ANKRD44: variants seen among roughly 807,000 people sequenced by gnomAD.
The protein encoded by ANKRD44 is serine/threonine-protein phosphatase 6 regulatory ankyrin repeat subunit B.
Under a neutral mutation model 116.0 loss-of-function variants are expected in ANKRD44, and 35 were observed. The observed-to-expected ratio is 0.30, with a 90% CI of 0.23 to 0.40. The LOEUF is 0.40. ANKRD44 is among the 10% of genes least tolerant of loss of function. The pLI, the probability that ANKRD44 is intolerant of heterozygous loss-of-function variation, is 1.00. For missense variants in ANKRD44, 1,014 were observed against 1,242.6 expected, an observed-to-expected ratio of 0.82 and a Z score of 2.77; for synonymous variants, 435 against 461.8, an observed-to-expected ratio of 0.94 and a Z score of 0.74.
At chr2:197,066,242 C>T (rs768093877) in intron 16 of ANKRD44, among the ~76,000 whole-genome samples, 2 of 152,138 alleles carry the variant, frequency 1.3e-5, no homozygotes, top group South Asian at 2.1e-4. Context: ...TTCAACAGAC[C>T]TTCATGCTAA....
rs572130045 is a variant in ANKRD44, at chr2:197,197,045, G to A, written c.28-9939C>T. Among the ~76,000 whole-genome samples, 16 of 152,244 alleles carry A rather than the reference G, an allele frequency of 1.1e-4. No individual in the cohort carries two copies. The East Asian group carries it at 2.7e-3, about 26-fold the overall frequency. On this transcript the variant is annotated intron_variant, in intron 1 of 27. Transcript: ENST00000282272. ...ACCATTCTAAAATTTAAGGCAGTGG[G>A]TTGATCAGGACCTGAATTAGTTTCT...
At chr2:197,112,718 A>AG (rs1481545331) in intron 8 of ANKRD44, among the ~76,000 whole-genome samples, 11 of 149,016 alleles carry the variant, frequency 7.4e-5, no homozygotes, top group African/African-American at 1.8e-4. Context: ...AAAAAAAAAA[A>AG]AAAAGAAAAA....
intron 3 of ANKRD44, among the ~76,000 whole-genome samples, chr2:197,139,064 C>T (rs2079291864): frequency 6.6e-6 from 1 of 152,084 alleles, no homozygotes. Flanking sequence ...AACAGGAAAA[C>T]TTAACATACA....
rs554008400 is a variant in ANKRD44, at chr2:197,283,821, T to C, written c.27+26757A>G. On this transcript the variant is annotated intron_variant, in intron 1 of 27. Coordinates refer to ENST00000282272, the MANE Select transcript of ANKRD44 (RefSeq NM_001195144.2). ...GCAGGGAGTAAAGCTTGGGAACTAT[T>C]CTATGTTAGGCTTGAGTAGTCTAGC... 2.6e-5 allele frequency among the ~76,000 whole-genome samples: 4 copies of C among 152,322 alleles called. No individual in the cohort carries two copies. In the South Asian group the frequency reaches 8.3e-4, roughly 32 times the overall value.
At chr2:197,255,731 C>A (rs771520799) in intron 1 of ANKRD44, among the ~76,000 whole-genome samples, 3 of 152,216 alleles carry the variant, frequency 2.0e-5, no homozygotes, top group African/African-American at 7.2e-5. Flanking sequence ...GCTGCCCCAT[C>A]GAAGGCAGCT....
chr2:197,293,483 A>G (rs2083627966), intron 1 of ANKRD44, among the ~76,000 whole-genome samples: 1 of 152,250 alleles, frequency 6.6e-6, no homozygotes, highest in South Asian at 2.1e-4. Context: ...GAAAGAGTTC[A>G]TTAAACATAT....
intron 16 of ANKRD44, chr2:197,078,388 A>G (rs1026591108): frequency 7.0e-6 from 3 of 429,064 alleles, no homozygotes; most frequent in Admixed American, 7.8e-5. Flanking sequence ...CATATTTGCT[A>G]ATAGGTCTAT....
chr2:196,974,028 C>T (rs779888996), intron 21 of ANKRD44, among the ~76,000 whole-genome samples: 4 of 151,572 alleles, frequency 2.6e-5, no homozygotes, highest in East Asian at 1.9e-4. Flanking sequence ...GAAATCAGTA[C>T]GAGATGGAAA....
chr2:197,174,212 C>A (rs142969317), intron 2 of ANKRD44, among the ~76,000 whole-genome samples: 5 of 151,992 alleles, frequency 3.3e-5, no homozygotes, highest in African/African-American at 4.8e-5. Context: ...ATAAAATTTA[C>A]CATCTTAATC....
intron 1 of ANKRD44, among the ~76,000 whole-genome samples, chr2:197,224,509 T>C (rs2081656335): frequency 6.6e-6 from 1 of 152,252 alleles, no homozygotes; most frequent in African/African-American, 2.4e-5. Flanking sequence ...TGTATTTTCA[T>C]AGCAATCTCT....
At chr2:197,071,005 T>C (rs1413352567) in intron 16 of ANKRD44, among the ~76,000 whole-genome samples, 2 of 152,226 alleles carry the variant, frequency 1.3e-5, no homozygotes, top group African/African-American at 4.8e-5. Context: ...GTTGTCAATG[T>C]ATGCAGAGTT....
At chr2:197,085,589 C>A (rs1022615193) in intron 13 of ANKRD44, among the ~76,000 whole-genome samples, 2 of 152,184 alleles carry the variant, frequency 1.3e-5, no homozygotes, top group African/African-American at 4.8e-5. Context: ...CTCTGGTCAT[C>A]CTCACTGCTA....
chr2:197,163,444 C>T (rs575376079), intron 2 of ANKRD44, among the ~76,000 whole-genome samples: 34 of 152,326 alleles, frequency 2.2e-4, no homozygotes, highest in African/African-American at 7.0e-4. Context: ...GAAACCAGCA[C>T]TGAGTTTTTT....
chr2:197,033,699 T>C (rs866390527), intron 16 of ANKRD44, among the ~76,000 whole-genome samples: 2 of 151,626 alleles, frequency 1.3e-5, no homozygotes, highest in East Asian at 3.9e-4. Flanking sequence ...GGTCTGTTTA[T>C]GTCTCTAACA....
intron 1 of ANKRD44, chr2:197,250,977 T>C (rs966555456): frequency 1.3e-5 from 2 of 152,230 alleles, no homozygotes; most frequent in African/African-American, 4.8e-5. Flanking sequence ...TCTTCACCCA[T>C]CTTCACTGCA....
chr2:197,200,495 C>G (rs1457945388), intron 1 of ANKRD44, among the ~76,000 whole-genome samples: 2 of 152,150 alleles, frequency 1.3e-5, no homozygotes, highest in East Asian at 3.9e-4. Flanking sequence ...CACCACTCGC[C>G]AGACTCTGCT....
intron 3 of ANKRD44, among the ~76,000 whole-genome samples, chr2:197,142,528 G>T (rs900820440): frequency 6.6e-6 from 1 of 152,060 alleles, no homozygotes; most frequent in African/African-American, 2.4e-5. Context: ...TTCCATGAAC[G>T]TGACAATTGC....
chr2:197,034,614 T>C (rs941135533), intron 16 of ANKRD44, among the ~76,000 whole-genome samples: 2 of 151,964 alleles, frequency 1.3e-5, no homozygotes, highest in African/African-American at 4.8e-5. Flanking sequence ...ATCTTATTTT[T>C]TAAGCCCAAA....
intron 1 of ANKRD44, among the ~76,000 whole-genome samples, chr2:197,215,541 C>T (rs1198868778): frequency 1.3e-5 from 2 of 152,110 alleles, no homozygotes; most frequent in African/African-American, 4.8e-5. Context: ...TAGAGAAAAT[C>T]TCCGCAAATA....
Sources: allele counts gnomAD v4.1 joint callset (sites outside exome capture counted in the v4.1 genomes callset), GRCh38; gene constraint gnomAD v4.1.1; transcripts MANE v1.5; gene names NCBI Gene and HGNC (gene_info 2026-07-23, HGNC 2026-07-21).